PRKAG2: variants seen among roughly 807,000 people sequenced by gnomAD.
The protein encoded by PRKAG2 is 5'-AMP-activated protein kinase subunit gamma-2.
PRKAG2 carries 26 observed loss-of-function variants against 69.6 expected under a neutral mutation model. The observed-to-expected ratio is 0.37, with a 90% CI of 0.27 to 0.52. PRKAG2 has a LOEUF of 0.52. Ranked by LOEUF, PRKAG2 falls within the 20% of genes least tolerant of loss-of-function variation. PRKAG2 has a pLI of 0.90. For missense variants in PRKAG2, 557 were observed against 740.0 expected (o/e 0.75, Z 2.87); for synonymous variants, 293 against 285.0 (o/e 1.03, Z -0.28).
At chr7:151,654,845 A>C (rs1471179078) in intron 4 of PRKAG2, among the ~76,000 whole-genome samples, 1 of 152,196 alleles carries the variant, frequency 6.6e-6, no homozygotes, top group Non-Finnish European at 1.5e-5. Context: ...GGCATGTGCC[A>C]CCACGCCTGG....
At chr7:151,808,589 TG>T (rs2078242255) in intron 1 of PRKAG2, among the ~76,000 whole-genome samples, 1 of 139,800 alleles carries the variant, frequency 7.2e-6, no homozygotes, top group Non-Finnish European at 1.6e-5. Context: ...TAGTGCAGGT[TG>T]TTGGGGGGGC....
chr7:151,682,816 T>C, intron 3 of PRKAG2, among the ~76,000 whole-genome samples: 1 of 69,808 alleles, frequency 1.4e-5, no homozygotes, highest in Admixed American at 1.7e-4. Context: ...GGAGAGGGCC[T>C]GAGGGTGGGG....
At chr7:151,579,902 A>G (rs73727855) in intron 6 of PRKAG2, among the ~76,000 whole-genome samples, 3,237 of 152,318 alleles carry the variant, frequency 0.021, 96 homozygotes, top group African/African-American at 0.073. Flanking sequence ...CAAGAGAAAG[A>G]AAACTTTAAG....
At chr7:151,757,568 T>A (rs2075168197) in intron 3 of PRKAG2, among the ~76,000 whole-genome samples, 1 of 152,228 alleles carries the variant, frequency 6.6e-6, no homozygotes, top group Non-Finnish European at 1.5e-5. Flanking sequence ...CGGTCATAAT[T>A]GTGAGCTAGT....
At chr7:151,640,462 C>A (rs78527342) in intron 4 of PRKAG2, among the ~76,000 whole-genome samples, 2,030 of 152,234 alleles carry the variant, frequency 0.013, 30 homozygotes, top group African/African-American at 0.046. Flanking sequence ...CCTCTGTGTA[C>A]CCCACACCTA....
chr7:151,790,317 C>A (rs1210559980), intron 1 of PRKAG2, among the ~76,000 whole-genome samples: 1 of 152,222 alleles, frequency 6.6e-6, no homozygotes, highest in African/African-American at 2.4e-5. Context: ...CAAACACACT[C>A]TCTGGCTGAG....
chr7:151,785,966 G>A (rs1382154588), intron 2 of PRKAG2, among the ~76,000 whole-genome samples: 2 of 152,200 alleles, frequency 1.3e-5, no homozygotes, highest in East Asian at 1.9e-4. Flanking sequence ...GAGGGACGGC[G>A]AGGAGCTAAA....
intron 1 of PRKAG2, among the ~76,000 whole-genome samples, chr7:151,830,242 C>T (rs1410485957): frequency 1.3e-5 from 2 of 151,660 alleles, no homozygotes; most frequent in African/African-American, 4.8e-5. Flanking sequence ...CCGAGAGGAA[C>T]CTATCTGTCC....
chr7:151,796,625 C>A (rs1372490188), intron 1 of PRKAG2, among the ~76,000 whole-genome samples: 3 of 152,196 alleles, frequency 2.0e-5, no homozygotes, highest in African/African-American at 7.2e-5. Flanking sequence ...TCTCCTGCCA[C>A]ACCCAGTTGG....
At chr7:151,727,940 C>T (rs908587992) in intron 3 of PRKAG2, among the ~76,000 whole-genome samples, 1 of 152,200 alleles carries the variant, frequency 6.6e-6, no homozygotes, top group African/African-American at 2.4e-5. Flanking sequence ...CCTCCTCCTG[C>T]AGTCATGCTC....
chr7:151,568,925 CCAGTGTTTTTATTATTGCAATAATAA>C, intron 10 of PRKAG2, 83 bp from the exon 11 acceptor site: 1 of 1,468,938 alleles, frequency 6.8e-7, no homozygotes. Flanking sequence ...TAAAGCACTT[CCAGTGTTTTTATTATTGCAATAATAA>C]CAGTGTTTTG....
chr7:151,635,593 C>T (rs927834073), intron 4 of PRKAG2, among the ~76,000 whole-genome samples: 8 of 152,062 alleles, frequency 5.3e-5, no homozygotes, highest in African/African-American at 1.4e-4. Flanking sequence ...AGTCCTAAAA[C>T]GTCATATACT....
chr7:151,683,298 C>T (rs952354162), intron 3 of PRKAG2, among the ~76,000 whole-genome samples: 5 of 152,136 alleles, frequency 3.3e-5, no homozygotes, highest in African/African-American at 4.8e-5. Context: ...CCTGCTGGAA[C>T]GGAATAGCTG....
intron 3 of PRKAG2, among the ~76,000 whole-genome samples, chr7:151,757,753 C>T (rs894297229): frequency 6.6e-6 from 1 of 152,236 alleles, no homozygotes; most frequent in Non-Finnish European, 1.5e-5. Flanking sequence ...GTTTTCCAAA[C>T]TGCAACCACT....
intron 4 of PRKAG2, among the ~76,000 whole-genome samples, chr7:151,666,245 T>C (rs1831030013): frequency 6.6e-6 from 1 of 152,200 alleles, no homozygotes; most frequent in African/African-American, 2.4e-5. Flanking sequence ...GTGACTGTAT[T>C]TGCAGACAGA....
intron 3 of PRKAG2, among the ~76,000 whole-genome samples, chr7:151,703,993 C>T (rs946273068): frequency 1.3e-5 from 2 of 150,762 alleles, no homozygotes; most frequent in African/African-American, 2.4e-5. Context: ...ACCTGGGGGG[C>T]GGAGGTTGCA....
chr7:151,557,080 A>G lies in PRKAG2; in HGVS notation c.*121T>C. On this transcript the variant is annotated 3_prime_UTR_variant, in exon 16 of 16. Coordinates refer to ENST00000287878, the MANE Select transcript of PRKAG2 (RefSeq NM_016203.4). The stretch of plus-strand genomic sequence containing the variant: ...GCTTAATTTCAACATCACTGGAAGA[A>G]ATACCTATTGTTAAACCCTGATATA... 1 of 1,485,070 alleles carries G rather than the reference A, an allele frequency of 6.7e-7. No individual in the cohort carries two copies. The highest frequency in any genetic ancestry group is 9.4e-7 in the Non-Finnish European group (1 of 1,067,006). The allele number at this position is 1,485,070 out of a possible 1,614,324, so 92.0% of individuals were successfully genotyped here. A position where few individuals can be genotyped will look rare whatever the true frequency, so the allele number is the denominator to read the frequency against.
intron 3 of PRKAG2, among the ~76,000 whole-genome samples, chr7:151,762,223 A>T (rs1193805505): frequency 1.3e-5 from 2 of 152,196 alleles, no homozygotes; most frequent in Non-Finnish European, 2.9e-5. Flanking sequence ...AAGGCCCTGC[A>T]TGGTAGCCGA....
At chr7:151,574,685 A>G (rs777163811) in intron 8 of PRKAG2, among the ~76,000 whole-genome samples, 3 of 152,186 alleles carry the variant, frequency 2.0e-5, no homozygotes, top group Non-Finnish European at 4.4e-5. Context: ...TCCTTCTTTG[A>G]GTTTCATACA....
Sources: allele counts gnomAD v4.1 joint callset (sites outside exome capture counted in the v4.1 genomes callset), GRCh38; gene constraint gnomAD v4.1.1; transcripts MANE v1.5; gene names NCBI Gene and HGNC (gene_info 2026-07-23, HGNC 2026-07-21).